Variants in CSMD3 observed in about 807,000 individuals in gnomAD.
CSMD3 encodes CUB and Sushi multiple domains 3.
Under a neutral mutation model 435.2 loss-of-function variants are expected in CSMD3, and 177 were observed. That is an observed-to-expected ratio of 0.41 (90% CI 0.36 to 0.46). CSMD3 has a LOEUF of 0.46. Ranked by LOEUF, CSMD3 falls within the 20% of genes least tolerant of loss-of-function variation. The probability of loss-of-function intolerance (pLI) is 0.34; values close to 1 mark genes in which losing one functional copy is unlikely to be tolerated. For synonymous variants in CSMD3, 1,656 were observed against 1,520.5 expected (o/e 1.09, Z -2.07); for missense variants, 4,265 against 4,504.6 (o/e 0.95, Z 1.52).
intron 6 of CSMD3, among the ~76,000 whole-genome samples, chr8:113,009,947 T>C (rs79441518): frequency 0.047 from 7,115 of 151,824 alleles, 229 homozygotes; most frequent in Non-Finnish European, 0.069. Context: ...TAGCAATGAA[T>C]AGACTCTGCT....
At chr8:112,437,453 AC>A (rs1188486755) in intron 32 of CSMD3, among the ~76,000 whole-genome samples, 9 of 152,110 alleles carry the variant, frequency 5.9e-5, no homozygotes, top group Non-Finnish European at 1.2e-4. Context: ...CTTTGTCACG[AC>A]GGAATATGTA....
At chr8:112,844,313 T>G (rs898794020) in intron 11 of CSMD3, among the ~76,000 whole-genome samples, 2 of 151,994 alleles carry the variant, frequency 1.3e-5, no homozygotes, top group Non-Finnish European at 2.9e-5. Flanking sequence ...TTGGACTAAA[T>G]ATGTGTAACA....
At position 112,301,220 on chromosome 8, in the gene CSMD3, T is replaced by C. The variant is rs866562764; in HGVS notation, c.8440+573A>G. 4.6e-5 allele frequency among the ~76,000 whole-genome samples: 7 copies of C among 152,140 alleles called. No individual in the cohort carries two copies. In the South Asian group the frequency reaches 8.3e-4, roughly 18 times the overall value. On this transcript the variant is annotated intron_variant, in intron 53 of 70. Transcript: ENST00000297405. ...TATTTTCATAATAAAAGAGGCAGGG[T>C]AAGAAGAACGAACTAGTTCAGTTTC...
At chr8:113,014,930 ACT>A (rs1219508314) in intron 6 of CSMD3, among the ~76,000 whole-genome samples, 1 of 152,018 alleles carries the variant, frequency 6.6e-6, no homozygotes, top group Non-Finnish European at 1.5e-5. Context: ...GGCTACTGTG[ACT>A]CTGTTTGATA....
chr8:112,369,043 G>A (rs971609460), intron 38 of CSMD3, among the ~76,000 whole-genome samples: 20 of 151,786 alleles, frequency 1.3e-4, no homozygotes, highest in Admixed American at 7.2e-4. Flanking sequence ...AGCTAGTTTC[G>A]AAGAATCTAA....
At chr8:112,489,324 C>T (rs949063224) in intron 31 of CSMD3, among the ~76,000 whole-genome samples, 3 of 152,128 alleles carry the variant, frequency 2.0e-5, no homozygotes, top group Non-Finnish European at 2.9e-5. Flanking sequence ...ACCTGAGAGG[C>T]TGAGGTGGGA....
chr8:112,676,590 A>G (rs1449383383), intron 16 of CSMD3, among the ~76,000 whole-genome samples: 1 of 152,134 alleles, frequency 6.6e-6, no homozygotes, highest in African/African-American at 2.4e-5. Context: ...TGCATCTTTC[A>G]TTTTTGGTCT....
chr8:112,303,345 C>CAG (rs1161002899), intron 52 of CSMD3, among the ~76,000 whole-genome samples: 2 of 152,096 alleles, frequency 1.3e-5, no homozygotes, highest in Non-Finnish European at 2.9e-5. Flanking sequence ...CACTTAAGGT[C>CAG]AGGAGTTCCA....
intron 30 of CSMD3, among the ~76,000 whole-genome samples, chr8:112,496,481 T>C (rs536295731): frequency 3.9e-4 from 59 of 152,260 alleles, no homozygotes; most frequent in Non-Finnish European, 4.1e-4. Context: ...AAGAAATCAG[T>C]ATATCGAAGA....
chr8:112,592,170 T>C (rs1237224318), intron 22 of CSMD3, among the ~76,000 whole-genome samples: 1 of 152,056 alleles, frequency 6.6e-6, no homozygotes, highest in Non-Finnish European at 1.5e-5. Flanking sequence ...TAGTCAAAAA[T>C]ATTTTATTTT....
chr8:112,315,258 T>C (rs987101416), intron 47 of CSMD3, among the ~76,000 whole-genome samples: 6 of 151,984 alleles, frequency 3.9e-5, no homozygotes, highest in African/African-American at 1.4e-4. Flanking sequence ...TATGTATATA[T>C]ATCAACACAC....
At chr8:113,182,954 C>T (rs976818088) in intron 3 of CSMD3, among the ~76,000 whole-genome samples, 3 of 151,968 alleles carry the variant, frequency 2.0e-5, no homozygotes. Flanking sequence ...CCTGGTGGAG[C>T]AGAAAACAGA....
intron 1 of CSMD3, among the ~76,000 whole-genome samples, chr8:113,405,424 CT>C (rs1350234339): frequency 1.3e-5 from 2 of 151,494 alleles, no homozygotes; most frequent in East Asian, 3.8e-4. Context: ...TTTGAAAGTA[CT>C]TATATACTGC....
intron 63 of CSMD3, among the ~76,000 whole-genome samples, chr8:112,252,438 G>C (rs1427883647): frequency 6.6e-6 from 1 of 151,840 alleles, no homozygotes; most frequent in South Asian, 2.1e-4. Flanking sequence ...AGTCTCACAT[G>C]GATTCTTTCT....
rs978580491 is a variant in CSMD3 at position 112,232,174 on chromosome 8, T to A, written c.10741-542A>T. ...AAGCCAGCCACAAAAGGCCACATAC[T>A]ATATGATTCCATTCATATGAAAGTC... On this transcript the variant is annotated intron_variant, in intron 68 of 70. Transcript: ENST00000297405. 2.6e-5 allele frequency among the ~76,000 whole-genome samples: 4 copies of A among 152,206 alleles called. No homozygotes were observed. The East Asian group carries it at 7.7e-4, about 29-fold the overall frequency.
At chr8:112,978,731 T>C (rs2084942030) in intron 6 of CSMD3, among the ~76,000 whole-genome samples, 2 of 151,948 alleles carry the variant, frequency 1.3e-5, no homozygotes, top group Admixed American at 1.3e-4. Flanking sequence ...AGTTCTTATG[T>C]TTTACTTATA....
chr8:112,514,896 CT>C (rs1011157308), intron 28 of CSMD3, among the ~76,000 whole-genome samples: 44 of 150,914 alleles, frequency 2.9e-4, no homozygotes, highest in African/African-American at 9.7e-4. Context: ...ATTTTTCAGA[CT>C]TTTTTTTTAA....
intron 35 of CSMD3, among the ~76,000 whole-genome samples, chr8:112,400,078 C>T (rs1831188070): frequency 6.6e-6 from 1 of 152,132 alleles, no homozygotes; most frequent in African/African-American, 2.4e-5. Context: ...GCACCCCACT[C>T]CTGGTACCAA....
At chr8:112,418,468 G>T (rs1812146728) in intron 32 of CSMD3, among the ~76,000 whole-genome samples, 2 of 152,090 alleles carry the variant, frequency 1.3e-5, no homozygotes, top group African/African-American at 4.8e-5. Context: ...TCTGAACTGT[G>T]AAAGTACTTA....
Sources: gnomAD v4.1 joint callset for allele counts (sites outside exome capture counted in the v4.1 genomes callset) on GRCh38, gnomAD v4.1.1 for gene constraint, MANE v1.5 for transcripts, NCBI Gene and HGNC (gene_info 2026-07-23, HGNC 2026-07-21) for gene names.